MTUS1: variants seen among roughly 807,000 people sequenced by gnomAD.
MTUS1 encodes the protein microtubule associated scaffold protein 1.
A neutral mutation model predicts 120.8 loss-of-function variants in MTUS1; 109 were observed. The ratio of observed to expected loss-of-function variants is 0.90; its 90% CI spans 0.77 to 1.06. MTUS1 has a LOEUF of 1.06. Ranked by LOEUF, MTUS1 falls within the 50% of genes least tolerant of loss-of-function variation. The probability of loss-of-function intolerance (pLI) is 0.00; values close to 1 mark genes in which losing one functional copy is unlikely to be tolerated. For missense variants in MTUS1, 2,210 were observed against 1,486.3 expected (o/e 1.49, Z -8.01); for synonymous variants, 737 against 550.5 (o/e 1.34, Z -4.74).
At chr8:17,657,256 G>T (rs1031771588) in intron 8 of MTUS1, among the ~76,000 whole-genome samples, 3 of 151,864 alleles carry the variant, frequency 2.0e-5, no homozygotes, top group Non-Finnish European at 4.4e-5. Context: ...ACGGTGGTTT[G>T]TGCTATAATT....
intron 1 of MTUS1, among the ~76,000 whole-genome samples, chr8:17,760,416 A>C (rs17125277): frequency 0.015 from 2,224 of 152,266 alleles, 60 homozygotes; most frequent in African/African-American, 0.051. Context: ...AGTTAAGCTG[A>C]TCAGTTCCAG....
chr8:17,799,303 T>TA (rs2131622487), intron 1 of MTUS1, among the ~76,000 whole-genome samples: 1 of 152,268 alleles, frequency 6.6e-6, no homozygotes, highest in African/African-American at 2.4e-5. Context: ...TAATATTAAG[T>TA]AGCCACTAAG....
intron 1 of MTUS1, among the ~76,000 whole-genome samples, chr8:17,778,559 G>A (rs759248081): frequency 1.3e-5 from 2 of 152,190 alleles, no homozygotes; most frequent in African/African-American, 4.8e-5. Context: ...GCTCACGCCT[G>A]TAATCCCAGC....
chr8:17,724,450 C>G (rs2046076928), intron 3 of MTUS1, among the ~76,000 whole-genome samples: 1 of 152,028 alleles, frequency 6.6e-6, no homozygotes, highest in African/African-American at 2.4e-5. Flanking sequence ...TTGAAAAATG[C>G]CTAATGTTCT....
chr8:17,754,864 T>C lies in MTUS1; in HGVS notation c.944A>G (p.His315Arg), dbSNP rs763448511. Residue 315 changes from histidine to arginine, a missense_variant, in exon 2 of 15, where the codon CAT becomes CGT. Physicochemically the swap from His to Arg is conservative, Grantham distance 29. Transcript: ENST00000693296. ...SALQEFFCLS[H>R]DESNSEPHSQ... ...ATGTGGTTCGCTATTGGATTCATCA[T>C]GGGATAAACAAAAGAACTCTTGTAA... 8 of 1,614,262 alleles carry C rather than the reference T, an allele frequency of 5.0e-6. No homozygotes were observed. The highest frequency in any genetic ancestry group is 6.8e-6 in the Non-Finnish European group (8 of 1,180,048).
At chr8:17,790,098 C>A (rs1313651372) in intron 1 of MTUS1, among the ~76,000 whole-genome samples, 1 of 152,116 alleles carries the variant, frequency 6.6e-6, no homozygotes, top group African/African-American at 2.4e-5. Context: ...CCTGTAATCC[C>A]AGCACTTTGG....
intron 1 of MTUS1, among the ~76,000 whole-genome samples, chr8:17,770,853 C>A (rs2049971140): frequency 6.6e-6 from 1 of 152,186 alleles, no homozygotes; most frequent in Non-Finnish European, 1.5e-5. Flanking sequence ...ATGACAAGTT[C>A]TTTAAGCAAT....
At chr8:17,746,934 G>A (rs2047798240) in intron 2 of MTUS1, among the ~76,000 whole-genome samples, 1 of 152,034 alleles carries the variant, frequency 6.6e-6, no homozygotes, top group African/African-American at 2.4e-5. Flanking sequence ...AACATACCCA[G>A]GCACCCAACT....
chr8:17,735,474 C>G (rs1299171554), intron 3 of MTUS1, among the ~76,000 whole-genome samples: 4 of 152,190 alleles, frequency 2.6e-5, no homozygotes, highest in African/African-American at 9.6e-5. Context: ...CTACCTCCCT[C>G]GAGGCAGAGG....
chr8:17,749,150 G>A (rs1469747579), intron 2 of MTUS1, among the ~76,000 whole-genome samples: 3 of 152,168 alleles, frequency 2.0e-5, no homozygotes, highest in African/African-American at 7.2e-5. Flanking sequence ...TTCAGGCACA[G>A]CTGACCAGCA....
intron 1 of MTUS1, among the ~76,000 whole-genome samples, chr8:17,768,964 G>A (rs536549218): frequency 4.6e-5 from 7 of 151,854 alleles, no homozygotes; most frequent in Non-Finnish European, 8.8e-5. Context: ...AATTTAAATG[G>A]GCATTGGAGT....
At chr8:17,776,887 TCTC>T (rs888188767) in intron 1 of MTUS1, among the ~76,000 whole-genome samples, 5 of 152,100 alleles carry the variant, frequency 3.3e-5, no homozygotes, top group Admixed American at 3.3e-4. Context: ...CCCTGGGCTC[TCTC>T]CTCTTTTAAG....
chr8:17,765,131 T>C (rs371817705), intron 1 of MTUS1, among the ~76,000 whole-genome samples: 2 of 152,080 alleles, frequency 1.3e-5, no homozygotes, highest in African/African-American at 2.4e-5. Context: ...CAGTTCACAA[T>C]AGGGTTCACA....
At chr8:17,675,041 A>G (rs1214029036) in intron 8 of MTUS1, 145 bp downstream of exon 8, 19 of 1,454,358 alleles carry the variant, frequency 1.3e-5, no homozygotes, top group African/African-American at 4.3e-5. Flanking sequence ...AGAAATGTCG[A>G]TAGTAAGTGT....
At chr8:17,667,217 G>A (rs1811103250) in intron 8 of MTUS1, among the ~76,000 whole-genome samples, 1 of 152,164 alleles carries the variant, frequency 6.6e-6, no homozygotes, top group African/African-American at 2.4e-5. Context: ...AAGAGAATGA[G>A]CTAAGTCTGA....
At chr8:17,793,603 C>G (rs1314071402) in intron 1 of MTUS1, among the ~76,000 whole-genome samples, 1 of 152,116 alleles carries the variant, frequency 6.6e-6, no homozygotes, top group East Asian at 1.9e-4. Context: ...TAGACCCTAT[C>G]CTTAAGGAGC....
At chr8:17,727,725 A>G (rs1000008807) in intron 3 of MTUS1, among the ~76,000 whole-genome samples, 1 of 152,244 alleles carries the variant, frequency 6.6e-6, no homozygotes, top group African/African-American at 2.4e-5. Flanking sequence ...ATCCCAGATG[A>G]GAAAGATAAA....
At chr8:17,745,000 C>T (rs1313971905) in intron 2 of MTUS1, among the ~76,000 whole-genome samples, 1 of 152,146 alleles carries the variant, frequency 6.6e-6, no homozygotes, top group African/African-American at 2.4e-5. Flanking sequence ...CAAGCTGTAA[C>T]CCAAACACCT....
chr8:17,688,263 G>C (rs945246802), intron 6 of MTUS1, among the ~76,000 whole-genome samples: 5 of 152,204 alleles, frequency 3.3e-5, no homozygotes, highest in African/African-American at 1.2e-4. Flanking sequence ...GCTGTGGTGG[G>C]TGTGCACCTG....
Sources: gnomAD v4.1 joint callset for allele counts (sites outside exome capture counted in the v4.1 genomes callset) on GRCh38, gnomAD v4.1.1 for gene constraint, MANE v1.5 for transcripts, NCBI Gene and HGNC (gene_info 2026-07-23, HGNC 2026-07-21) for gene names.